Variants in ZSCAN18 observed in about 807,000 individuals in gnomAD.
The protein encoded by ZSCAN18 is zinc finger and SCAN domain-containing protein 18.
A neutral mutation model predicts 31.1 loss-of-function variants in ZSCAN18; 16 were observed. The observed-to-expected ratio is 0.51, with a 90% confidence interval of 0.35 to 0.78. The LOEUF (loss-of-function observed/expected upper bound fraction) is 0.78, where lower values mean the gene tolerates loss of function less well. ZSCAN18 is among the 30% of genes least tolerant of loss of function. The probability of loss-of-function intolerance (pLI) is 0.01; values close to 1 mark genes in which losing one functional copy is unlikely to be tolerated. For synonymous variants in ZSCAN18, 375 were observed against 320.7 expected, an observed-to-expected ratio of 1.17 and a Z score of -1.81; for missense variants, 731 against 697.4, an observed-to-expected ratio of 1.05 and a Z score of -0.54.
intron 1 of ZSCAN18, chr19:58,107,599 A>C: frequency 9.8e-6 from 9 of 917,200 alleles, no homozygotes; most frequent in Non-Finnish European, 1.2e-5. Flanking sequence ...CATGCGGTAA[A>C]CACATGTGCT....
At chr19:58,102,622 T>G (rs1040817122), upstream of ZSCAN18, among the ~76,000 whole-genome samples, 4 of 152,146 alleles carry the variant, frequency 2.6e-5, no homozygotes, top group Admixed American at 2.0e-4. Context: ...TTCAGCAAGG[T>G]AGGAAGGACT....
In ZSCAN18 at chr19:58,084,538, AG is replaced by A. The variant is rs1016869879; in HGVS notation, c.*146del. 2.6e-6 allele frequency: 2 copies of A among 766,872 alleles called. No individual in the cohort carries two copies. The highest frequency in any genetic ancestry group is 3.7e-5 in the African/African-American group (2 of 54,280). The allele number at this position is 766,872 out of a possible 1,614,324, so 47.5% of individuals were successfully genotyped here. ...TGGACCCTTCTCGTTGGGAGCGCTT[AG>A]CCTCAGGAGCGGATTCAGGGCACAG... On this transcript the variant is annotated 3_prime_UTR_variant, in exon 7 of 7. Coordinates refer to ENST00000601144, the MANE Select transcript of ZSCAN18 (RefSeq NM_001145543.2). The surrounding 1 kb of genome is among the most constrained non-coding windows in gnomAD (Gnocchi z 4.5).
At position 58,090,366 on chromosome 19, in the gene ZSCAN18, G is replaced by T. The variant is rs769639312; in HGVS notation, c.-99C>A. ...ATGACCAGATGCCCAGTGGGCTCAG[G>T]TGGTGCCAGAACCCACAGACCTGCA... On this transcript the variant is annotated 5_prime_UTR_variant, in exon 2 of 7. Transcript: ENST00000601144. This position sits in a 1 kb window ranked among gnomAD's most constrained non-coding sequence, Gnocchi z 4.7. The T allele has an allele frequency of 4.4e-6, 7 of 1,587,252 alleles. 1 individual carries two copies. The South Asian group carries it at 8.0e-5, about 18-fold the overall frequency.
rs2074383559 is a variant in ZSCAN18 at position 58,090,201 on chromosome 19, G to A, written c.67C>T (p.Pro23Ser). Residue 23 changes from proline (P) to serine (S), a missense_variant, in exon 2 of 7, where the codon CCG becomes TCG. By Grantham distance (74) the Pro-to-Ser change is moderately conservative. Around this residue, in one of 4 missense-constraint regions of ZSCAN18, gnomAD observed 86 missense variants for 119.1 expected, o/e 0.72. Transcript: ENST00000601144. This position sits in a 1 kb window ranked among gnomAD's most constrained non-coding sequence, Gnocchi z 4.7. ...SSPAPPDLPT[P>S]GSAAGVQQEE... ...TGCTGGACTCCGGCTGCTGACCCCG[G>A]CGTGGGCAGATCCGGCGGGGCTGGG... is the stretch of plus-strand genomic sequence containing the variant. 6.2e-7 allele frequency: 1 copy of A among 1,613,718 alleles called. No homozygotes were observed. Among genetic ancestry groups the A allele is most frequent in the Admixed American group, 1.7e-5 (1 of 60,028 alleles).
At chr19:58,100,015 C>T (rs561878022), upstream of ZSCAN18, among the ~76,000 whole-genome samples, 1 of 142,680 alleles carries the variant, frequency 7.0e-6, no homozygotes, top group African/African-American at 2.5e-5. Context: ...GGCTAGAGTG[C>T]AGTGGTGCCA....
chr19:58,087,324 T>C lies in ZSCAN18; in HGVS notation c.634A>G (p.Thr212Ala). Residue 212 changes from threonine (T) to alanine (A), a missense_variant, in exon 4 of 7, where the codon ACC becomes GCC. Thr to Ala is a moderately conservative substitution (Grantham distance 58, BLOSUM62 0). Coordinates refer to ENST00000601144, the MANE Select transcript of ZSCAN18 (RefSeq NM_001145543.2). ...AKTEEDGPAN[T>A]EQKLKSFPED... Reference sequence around the variant, plus strand: ...TGCTCGTGCCCACCCACCTGCTCGGTGTTGGCAGGGCCGTCCTCTTCGGTC... The same window carrying C: ...TGCTCGTGCCCACCCACCTGCTCGGCGTTGGCAGGGCCGTCCTCTTCGGTC... 1.2e-6 allele frequency: 2 copies of C among 1,605,616 alleles called. No homozygotes were observed. The highest frequency in any genetic ancestry group is 8.5e-7 in the Non-Finnish European group (1 of 1,176,060).
In ZSCAN18 at chr19:58,084,777, T is replaced by C; in HGVS notation, c.1441A>G (p.Thr481Ala). The C allele has an allele frequency of 6.3e-7, 1 of 1,575,134 alleles. No individual in the cohort carries two copies. Among genetic ancestry groups the C allele is most frequent in the Non-Finnish European group, 8.6e-7 (1 of 1,167,756 alleles). ...LGGARGPQPS[T>A]REAQAGARAG... ...CTAGCCCCCGCCTGGGCTTCGCGGG[T>C]GGACGGTTGGGGGCCCCGGGCGCCC... The change falls in exon 7 of 7, where the codon ACC becomes GCC. Residue 481 changes from threonine to alanine, a missense_variant. Transcript: ENST00000601144. This position sits in a 1 kb window ranked among gnomAD's most constrained non-coding sequence, Gnocchi z 4.5.
Position 58,085,349 on chromosome 19 carries a change from C to A in ZSCAN18, c.869G>T (p.Cys290Phe). The A allele has an allele frequency of 1.3e-6, 2 of 1,592,570 alleles. No homozygotes were observed. Among genetic ancestry groups the A allele is most frequent in the Non-Finnish European group, 1.7e-6 (2 of 1,177,542 alleles). ...CGCGGGGGCGGCCTCCTCGCAGGCG[C>A]ACCCAGCGCTCTCCTGCCGCCTCCC... ...EGGRRQESAG[C>F]ACEEAAPAGV... The change falls in exon 7 of 7, where the codon TGC becomes TTC. Residue 290 changes from cysteine to phenylalanine, a missense_variant. Coordinates refer to ENST00000601144, the MANE Select transcript of ZSCAN18 (RefSeq NM_001145543.2).
At chr19:58,111,815 C>A (rs1368757773) in intron 1 of ZSCAN18, among the ~76,000 whole-genome samples, 1 of 152,116 alleles carries the variant, frequency 6.6e-6, no homozygotes. Flanking sequence ...AAACCATATC[C>A]CTTAAATGTT....
upstream of ZSCAN18, among the ~76,000 whole-genome samples, chr19:58,100,824 G>T (rs761487031): frequency 6.6e-6 from 1 of 151,648 alleles, no homozygotes; most frequent in African/African-American, 2.4e-5. Flanking sequence ...GCAGTGAGTT[G>T]AGATCGCACC....
At chr19:58,109,440 A>G in intron 1 of ZSCAN18, 1 of 938,624 alleles carries the variant, frequency 1.1e-6, no homozygotes, top group Non-Finnish European at 1.4e-6. Flanking sequence ...TGACACAGCA[A>G]TTCCACTTGC....
At chr19:58,094,401 ACT>A (rs1480321670) in intron 1 of ZSCAN18, among the ~76,000 whole-genome samples, 3 of 145,238 alleles carry the variant, frequency 2.1e-5, no homozygotes, top group East Asian at 2.0e-4. Context: ...ACAGAGTGAG[ACT>A]CTGTCTCAAA....
At chr19:58,091,538 G>T (rs1476420488) in intron 1 of ZSCAN18, among the ~76,000 whole-genome samples, 8 of 151,070 alleles carry the variant, frequency 5.3e-5, no homozygotes, top group Non-Finnish European at 1.2e-4. Flanking sequence ...CAAGGACAAT[G>T]GGGGGTGGGG....
chr19:58,094,086 A>T (rs967535804), intron 1 of ZSCAN18, among the ~76,000 whole-genome samples: 1 of 151,906 alleles, frequency 6.6e-6, no homozygotes, highest in Non-Finnish European at 1.5e-5. Flanking sequence ...TTTAAATTGG[A>T]CTTCGGAGTT....
chr19:58,107,154 G>A (rs890902492), intron 1 of ZSCAN18, among the ~76,000 whole-genome samples: 5 of 152,146 alleles, frequency 3.3e-5, no homozygotes, highest in African/African-American at 4.8e-5. Context: ...TAGCAGGTGT[G>A]AGAACAACAT....
intron 1 of ZSCAN18, among the ~76,000 whole-genome samples, chr19:58,097,051 G>A (rs1469120086): frequency 6.6e-6 from 1 of 152,148 alleles, no homozygotes; most frequent in African/African-American, 2.4e-5. Flanking sequence ...GTCCCGCTCT[G>A]ACTCCAGGGC....
chr19:58,094,877 CAAAAAAAA>C (rs56377325), intron 1 of ZSCAN18, among the ~76,000 whole-genome samples: 25 of 35,284 alleles, frequency 7.1e-4, no homozygotes, highest in East Asian at 1.1e-3. Context: ...GACCCTGTCG[CAAAAAAAA>C]AAAAAAAAAA....
intron 1 of ZSCAN18, among the ~76,000 whole-genome samples, chr19:58,105,994 A>C (rs1490746312): frequency 6.6e-6 from 1 of 152,152 alleles, no homozygotes. Context: ...AGAAAAAAAA[A>C]GGTATGTATT....
At chr19:58,094,746 T>G (rs2074487411) in intron 1 of ZSCAN18, among the ~76,000 whole-genome samples, 1 of 151,710 alleles carries the variant, frequency 6.6e-6, no homozygotes. Context: ...GGCACAGTGG[T>G]GCATGCCTGT....
Sources: allele counts gnomAD v4.1 joint callset (sites outside exome capture counted in the v4.1 genomes callset), GRCh38; gene constraint gnomAD v4.1.1; regional missense constraint gnomAD v4.1.1; non-coding constraint Gnocchi (gnomAD v3.1); transcripts MANE v1.5; gene names NCBI Gene and HGNC (gene_info 2026-07-23, HGNC 2026-07-21).